Variants in PECAM1 observed in about 807,000 individuals in gnomAD.
PECAM1 encodes the protein platelet endothelial cell adhesion molecule.
Under a neutral mutation model 13.8 loss-of-function variants are expected in PECAM1, and 8 were observed. That is an observed-to-expected ratio of 0.58 (90% CI 0.34 to 1.05). PECAM1 has a LOEUF of 1.05. Among genes scored for constraint, PECAM1 ranks in the 50% least tolerant of loss-of-function variants. PECAM1 has a pLI of 0.03. For missense variants in PECAM1, 304 were observed against 141.2 expected, an observed-to-expected ratio of 2.15 and a Z score of -5.84; for synonymous variants, 136 against 52.6, an observed-to-expected ratio of 2.58 and a Z score of -6.86.
At chr17:64,358,580 T>C (rs1378618554) in intron 7 of PECAM1, among the ~76,000 whole-genome samples, 2 of 152,154 alleles carry the variant, frequency 1.3e-5, no homozygotes, top group Non-Finnish European at 2.9e-5. Context: ...AAGTCTGACA[T>C]ACCCTAAATT....
intron 14 of PECAM1, among the ~76,000 whole-genome samples, chr17:64,336,783 A>G (rs918299534): frequency 6.6e-6 from 1 of 151,564 alleles, no homozygotes; most frequent in African/African-American, 2.4e-5. Flanking sequence ...GCTTGAGCCC[A>G]GGAGGTGGAG....
rs1316937049 is a variant in PECAM1, at chr17:64,323,286, G to A, written c.*530C>T. 25 of 999,442 alleles carry A rather than the reference G, an allele frequency of 2.5e-5. No homozygotes were observed. Among genetic ancestry groups the A allele is most frequent in the African/African-American group, 5.2e-5 (3 of 57,308 alleles). The allele number at this position is 999,442 out of a possible 1,614,324, so 61.9% of individuals were successfully genotyped here. ...GGTTTTCCCATTTGTGGAGGGCGAG[G>A]TCATAGAGGGGACAGGGGGAGGCTG... On this transcript the variant is annotated 3_prime_UTR_variant, in exon 16 of 16. Coordinates refer to ENST00000563924, the MANE Select transcript of PECAM1 (RefSeq NM_000442.5).
chr17:64,323,683 C>T lies in PECAM1; in HGVS notation c.*133G>A, dbSNP rs902689948. ...TGGATTTAAGAACCGGCAGCTTAGCCTGAGGAATTGCTGTGTTCTGTGGGA... is the reference window on the plus strand; with the variant it reads ...TGGATTTAAGAACCGGCAGCTTAGCTTGAGGAATTGCTGTGTTCTGTGGGA... On this transcript the variant is annotated 3_prime_UTR_variant, in exon 16 of 16. Coordinates refer to ENST00000563924, the MANE Select transcript of PECAM1 (RefSeq NM_000442.5). 3.3e-6 allele frequency: 5 copies of T among 1,535,374 alleles called. No homozygotes were observed. In the African/African-American group the frequency reaches 5.5e-5, roughly 17 times the overall value.
intron 2 of PECAM1, among the ~76,000 whole-genome samples, chr17:64,387,678 GTGGAGAGGC>G (rs2036627623): frequency 6.6e-6 from 1 of 152,204 alleles, no homozygotes; most frequent in South Asian, 2.1e-4. Flanking sequence ...GAGAGGATGG[GTGGAGAGGC>G]TGATAAGCCT....
chr17:64,361,693 C>T, intron 6 of PECAM1, among the ~76,000 whole-genome samples: 1 of 126,134 alleles, frequency 7.9e-6, no homozygotes, highest in East Asian at 2.5e-4. Flanking sequence ...GCAGAGGTTG[C>T]AGTGAGCCGA....
rs1003096916 is a variant in PECAM1 at position 64,342,193 on chromosome 17, C to T, written c.2108-503G>A. Among the ~76,000 whole-genome samples, 8 of 149,526 alleles carry T rather than the reference C, an allele frequency of 5.4e-5. No individual in the cohort carries two copies. In the East Asian group the frequency reaches 5.9e-4, roughly 11 times the overall value. The stretch of plus-strand genomic sequence containing the variant: ...AAGAAGAAGGTCTTGGTCTAACGAG[C>T]GTCACTCCCAGTCTGGGAATAGGAG... On this transcript the variant is annotated intron_variant, in intron 13 of 15. Transcript: ENST00000563924.
At chr17:64,358,267 C>T (rs2035892393) in intron 7 of PECAM1, among the ~76,000 whole-genome samples, 1 of 152,000 alleles carries the variant, frequency 6.6e-6, no homozygotes, top group East Asian at 1.9e-4. Flanking sequence ...TACAGGCACC[C>T]ACCACCACGC....
intron 13 of PECAM1, among the ~76,000 whole-genome samples, chr17:64,346,105 A>G (rs1251673131): frequency 6.6e-6 from 1 of 151,448 alleles, no homozygotes; most frequent in Non-Finnish European, 1.5e-5. Flanking sequence ...CAGGAAAACT[A>G]CCCCAGGCCT....
At chr17:64,354,560 GC>G in intron 9 of PECAM1, among the ~76,000 whole-genome samples, 1 of 152,306 alleles carries the variant, frequency 6.6e-6, no homozygotes, top group East Asian at 1.9e-4. Context: ...TGGCTGCTCA[GC>G]CGGGCTTACT....
In PECAM1 at chr17:64,364,535, C is replaced by A. The variant is rs1276455045; in HGVS notation, c.968-1138G>T. On this transcript the variant is annotated intron_variant, in intron 5 of 15. Transcript: ENST00000563924. ...TACAACCAAAAAAGAGAATTTTAGA[C>A]CAATATCCTTGATGAACATTGATGC... 4.2e-3 allele frequency among the ~76,000 whole-genome samples: 642 copies of A among 152,008 alleles called. 2 individuals carry two copies. The highest frequency in any genetic ancestry group is 0.015 in the African/African-American group (621 of 41,434).
intron 9 of PECAM1, among the ~76,000 whole-genome samples, chr17:64,354,292 T>C (rs2035800228): frequency 6.6e-6 from 1 of 152,134 alleles, no homozygotes; most frequent in East Asian, 1.9e-4. Context: ...AATCAATCCC[T>C]GCGTTTGTAA....
At chr17:64,346,229 G>A (rs1189236067) in intron 13 of PECAM1, among the ~76,000 whole-genome samples, 1 of 152,168 alleles carries the variant, frequency 6.6e-6, no homozygotes, top group African/African-American at 2.4e-5. Context: ...CTTCCTTTGA[G>A]CGTGCAGGAG....
chr17:64,389,205 A>G (rs1341432330), intron 2 of PECAM1, among the ~76,000 whole-genome samples: 1 of 152,138 alleles, frequency 6.6e-6, no homozygotes, highest in Non-Finnish European at 1.5e-5. Context: ...CTTCACCTCC[A>G]AAGAGCTGTG....
chr17:64,385,299 T>C (rs1373096874), intron 2 of PECAM1, among the ~76,000 whole-genome samples: 1 of 152,176 alleles, frequency 6.6e-6, no homozygotes, highest in African/African-American at 2.4e-5. Context: ...CAGTGGGACC[T>C]TGACCTCAAG....
At position 64,356,655 on chromosome 17, in the gene PECAM1, T is replaced by TTTG. The variant is rs1186797305; in HGVS notation, c.1493-260_1493-258dup. On this transcript the variant is annotated intron_variant, in intron 7 of 15. Coordinates refer to ENST00000563924, the MANE Select transcript of PECAM1 (RefSeq NM_000442.5). ...AGGCCCAGCTAACTTTTTGGATTTT[T>TTTG]TTGTTGTTGTTGTTGTTTTAGAGAC... Among the ~76,000 whole-genome samples the TTTG allele has an allele frequency of 1.5e-4, 23 of 152,108 alleles. 1 individual carries two copies. Among genetic ancestry groups the TTTG allele is most frequent in the Admixed American group, 7.9e-4 (12 of 15,260 alleles).
intron 14 of PECAM1, among the ~76,000 whole-genome samples, chr17:64,335,328 G>A (rs1489844662): frequency 1.3e-5 from 2 of 151,908 alleles, no homozygotes; most frequent in East Asian, 1.9e-4. Flanking sequence ...GCTTGAGGCC[G>A]GGGGACAGAG....
chr17:64,390,392 T>A (rs2036690341), intron 2 of PECAM1, 97 bp downstream of exon 2: 6 of 422,020 alleles, frequency 1.4e-5, no homozygotes, highest in Non-Finnish European at 2.6e-5. Context: ...GTTAGAAGTA[T>A]CAAACCCCAG....
intron 2 of PECAM1, among the ~76,000 whole-genome samples, chr17:64,385,311 C>T (rs2036569209): frequency 6.6e-6 from 1 of 152,170 alleles, no homozygotes; most frequent in African/African-American, 2.4e-5. Flanking sequence ...GACCTCAAGG[C>T]CACTCATCAG....
chr17:64,340,109 A>C (rs1158242571), intron 14 of PECAM1, among the ~76,000 whole-genome samples: 2 of 152,142 alleles, frequency 1.3e-5, no homozygotes, highest in South Asian at 4.1e-4. Context: ...CTGAGATGGC[A>C]CTGCTGTACT....
Sources: gnomAD v4.1 joint callset for allele counts (sites outside exome capture counted in the v4.1 genomes callset) on GRCh38, gnomAD v4.1.1 for gene constraint, MANE v1.5 for transcripts, NCBI Gene and HGNC (gene_info 2026-07-23, HGNC 2026-07-21) for gene names.